AASS: variants seen among roughly 807,000 people sequenced by gnomAD.
AASS encodes the protein alpha-aminoadipic semialdehyde synthase, mitochondrial.
Under a neutral mutation model 105.4 loss-of-function variants are expected in AASS, and 86 were observed. The observed-to-expected ratio is 0.82, with a 90% CI of 0.69 to 0.98. The LOEUF (loss-of-function observed/expected upper bound fraction) is 0.98. AASS is among the 50% of genes least tolerant of loss of function. The probability of loss-of-function intolerance (pLI) is 0.00; values close to 1 mark genes in which losing one functional copy is unlikely to be tolerated. For missense variants in AASS, 1,048 were observed against 1,143.2 expected, an observed-to-expected ratio of 0.92 and a Z score of 1.20; for synonymous variants, 381 against 394.8, an observed-to-expected ratio of 0.96 and a Z score of 0.41.
rs542359364 is a variant in AASS at position 122,121,691 on chromosome 7, T to G, written c.473-3061A>C. 2.2e-3 allele frequency among the ~76,000 whole-genome samples: 336 copies of G among 152,292 alleles called. 1 individual carries two copies. Among genetic ancestry groups the G allele is most frequent in the Admixed American group, 0.011 (161 of 15,288 alleles). ...TGGGCCCAGCCCTAAAGAAAAGTTT[T>G]AAAATAAGATATGATGTTTTTTATG... On this transcript the variant is annotated intron_variant, in intron 4 of 23. Coordinates refer to ENST00000417368, the MANE Select transcript of AASS (RefSeq NM_005763.4).
chr7:122,092,747 T>C (rs1475870410), intron 17 of AASS, 96 bp downstream of exon 17: 1 of 1,073,762 alleles, frequency 9.3e-7, no homozygotes, highest in African/African-American at 1.6e-5. Flanking sequence ...TCTTTAACTT[T>C]GATTAAAGGT....
chr7:122,078,072 T>C (rs1045295677), intron 22 of AASS, 58 bp from the exon 23 acceptor site: 38 of 1,506,720 alleles, frequency 2.5e-5, no homozygotes, highest in Non-Finnish European at 3.3e-5. Flanking sequence ...AAATATTGTC[T>C]GTCATCTCCT....
intron 11 of AASS, among the ~76,000 whole-genome samples, chr7:122,103,463 G>A (rs1293118177): frequency 1.3e-5 from 2 of 151,758 alleles, no homozygotes; most frequent in African/African-American, 2.4e-5. Context: ...AATGCTTAAG[G>A]GAGTTTTTCA....
intron 18 of AASS, among the ~76,000 whole-genome samples, chr7:122,088,792 A>C (rs1793755228): frequency 6.6e-6 from 1 of 152,096 alleles, no homozygotes; most frequent in Admixed American, 6.6e-5. Flanking sequence ...GAAACACTGC[A>C]GAAGATGATG....
intron 1 of AASS, among the ~76,000 whole-genome samples, chr7:122,134,438 C>T (rs1388769622): frequency 6.6e-6 from 1 of 152,086 alleles, no homozygotes; most frequent in African/African-American, 2.4e-5. Flanking sequence ...GAGATCATTG[C>T]TTACTGCAGT....
At chr7:122,143,486 C>A (rs1337844785) in intron 1 of AASS, among the ~76,000 whole-genome samples, 1 of 151,066 alleles carries the variant, frequency 6.6e-6, no homozygotes, top group Non-Finnish European at 1.5e-5. Flanking sequence ...CCGTCCCGCG[C>A]GAGCGCTCAC....
rs774548246 is a variant in AASS, at chr7:122,126,355, G to A, written c.472+20C>T. 5 of 1,609,442 alleles carry A rather than the reference G, an allele frequency of 3.1e-6. No individual in the cohort carries two copies. In the African/African-American group the frequency reaches 4.0e-5, roughly 13 times the overall value. On this transcript the variant is annotated intron_variant, in intron 4 of 23. Transcript: ENST00000417368. ...CAAGCCAATTTAGGAAGTGGGTGAT[G>A]TAAGCCCTGGCATACTTACCTGCCA...
intron 4 of AASS, among the ~76,000 whole-genome samples, chr7:122,125,642 T>C (rs1481928513): frequency 6.6e-6 from 1 of 152,160 alleles, no homozygotes; most frequent in African/African-American, 2.4e-5. Flanking sequence ...AAGGAGGAAG[T>C]AACTTGTGGA....
chr7:122,130,285 C>T lies in AASS; in HGVS notation c.211-748G>A, dbSNP rs140032778. ...AATTTAGAGAAATGAAGATGGCAAA[C>T]ACAAGATGGTAATATCAGTAAGAGG... On this transcript the variant is annotated intron_variant, in intron 2 of 23. Transcript: ENST00000417368. Among the ~76,000 whole-genome samples the T allele has an allele frequency of 6.9e-3, 1,053 of 151,896 alleles. 13 individuals carry two copies. Among genetic ancestry groups the T allele is most frequent in the African/African-American group, 0.024 (995 of 41,458 alleles).
chr7:122,089,398 T>C (rs955729973), intron 18 of AASS, among the ~76,000 whole-genome samples: 25 of 152,146 alleles, frequency 1.6e-4, no homozygotes, highest in African/African-American at 4.1e-4. Context: ...AAGTATCATT[T>C]TAGCAAAGAA....
At chr7:122,137,064 G>T (rs1174259746) in intron 1 of AASS, among the ~76,000 whole-genome samples, 1 of 152,142 alleles carries the variant, frequency 6.6e-6, no homozygotes, top group Non-Finnish European at 1.5e-5. Context: ...TTCACTTTTT[G>T]CATGGAAGGC....
chr7:122,104,831 C>T (rs571888358), intron 11 of AASS, among the ~76,000 whole-genome samples: 1 of 152,078 alleles, frequency 6.6e-6, no homozygotes, highest in Non-Finnish European at 1.5e-5. Context: ...AGGTACTATG[C>T]TCACTACTTT....
At chr7:122,129,317 T>A in intron 3 of AASS, 44 bp downstream of exon 3, 1 of 1,308,450 alleles carries the variant, frequency 7.6e-7, no homozygotes. Flanking sequence ...GTAAAAAATA[T>A]TATTTTTCTA....
intron 15 of AASS, among the ~76,000 whole-genome samples, chr7:122,097,340 C>T (rs572001688): frequency 2.0e-5 from 3 of 152,056 alleles, no homozygotes; most frequent in Admixed American, 6.6e-5. Flanking sequence ...ATCACTTTGA[C>T]ATTTCAAAAC....
At position 122,091,806 on chromosome 7, in the gene AASS, G is replaced by A; in HGVS notation, c.1913C>T (p.Ala638Val). ...SYISYCGGLP[A>V]PEHSNNPLRY... Reference sequence around the variant, plus strand: ...CAATGGATTGTTTGAATGTTCAGGGGCTGGAAGCCCACCACAGTAGGAAAT... The same window carrying A: ...CAATGGATTGTTTGAATGTTCAGGGACTGGAAGCCCACCACAGTAGGAAAT... The change falls in exon 18 of 24, where the codon GCC becomes GTC. Residue 638 changes from alanine to valine, a missense_variant. By Grantham distance (64) the Ala-to-Val change is moderately conservative. Transcript: ENST00000417368. 2 of 1,613,120 alleles carry A rather than the reference G, an allele frequency of 1.2e-6. No individual in the cohort carries two copies. Among genetic ancestry groups the A allele is most frequent in the South Asian group, 2.2e-5 (2 of 91,038 alleles).
intron 3 of AASS, 108 bp from the exon 4 acceptor site, chr7:122,126,567 C>A: frequency 1.1e-6 from 1 of 935,164 alleles, no homozygotes; most frequent in Non-Finnish European, 1.7e-6. Flanking sequence ...CTGAAATACA[C>A]CTTAACTTGC....
chr7:122,081,189 G>T (rs1241868941), intron 20 of AASS, among the ~76,000 whole-genome samples: 1 of 152,134 alleles, frequency 6.6e-6, no homozygotes, highest in Non-Finnish European at 1.5e-5. Context: ...TCCCATCACT[G>T]GGTCACCACC....
chr7:122,079,866 C>T (rs1231424642), intron 20 of AASS, among the ~76,000 whole-genome samples, 154 bp from the exon 21 acceptor site: 1 of 152,088 alleles, frequency 6.6e-6, no homozygotes, highest in Non-Finnish European at 1.5e-5. Flanking sequence ...CACATACACA[C>T]ACATACACAC....
chr7:122,076,259 G>C lies in AASS; in HGVS notation c.*230C>G. On this transcript the variant is annotated 3_prime_UTR_variant, in exon 24 of 24. Coordinates refer to ENST00000417368, the MANE Select transcript of AASS (RefSeq NM_005763.4). ...TAGCATGATCATCACTTTCACATAC[G>C]TATTTATAAAATACAGGGTAGAATT... The C allele has an allele frequency of 2.2e-6, 1 of 460,812 alleles. No homozygotes were observed. Among genetic ancestry groups the C allele is most frequent in the Non-Finnish European group, 3.9e-6 (1 of 258,238 alleles). 28.5% of individuals were successfully genotyped at this position (460,812 alleles called of 1,614,324 possible). A position where few individuals can be genotyped will look rare whatever the true frequency, so the allele number is the denominator to read the frequency against.
Sources: allele counts gnomAD v4.1 joint callset (sites outside exome capture counted in the v4.1 genomes callset), GRCh38; gene constraint gnomAD v4.1.1; transcripts MANE v1.5; gene names NCBI Gene and HGNC (gene_info 2026-07-23, HGNC 2026-07-21).